NRXN2: variants seen among roughly 807,000 people sequenced by gnomAD.
NRXN2 encodes neurexin-2-beta.
Under a neutral mutation model 128.8 loss-of-function variants are expected in NRXN2, and 29 were observed. The ratio of observed to expected loss-of-function variants is 0.23; its 90% CI spans 0.17 to 0.31. The LOEUF is 0.31. NRXN2 is among the 10% of genes least tolerant of loss of function. The pLI, the probability that NRXN2 is intolerant of heterozygous loss-of-function variation, is 1.00. For missense variants in NRXN2, 1,881 were observed against 2,452.6 expected (o/e 0.77, Z 4.92); for synonymous variants, 1,098 against 1,075.2 (o/e 1.02, Z -0.41).
chr11:64,621,252 T>C (rs2042303609), intron 21 of NRXN2, among the ~76,000 whole-genome samples: 1 of 152,180 alleles, frequency 6.6e-6, no homozygotes, highest in South Asian at 2.1e-4. Context: ...AGCCTCCATC[T>C]TGGGCTTCCC....
chr11:64,677,771 T>C (rs1211593073), intron 6 of NRXN2, among the ~76,000 whole-genome samples: 1 of 152,188 alleles, frequency 6.6e-6, no homozygotes, highest in Non-Finnish European at 1.5e-5. Context: ...CTTATGGGTT[T>C]GTTGGCTAAC....
intron 9 of NRXN2, among the ~76,000 whole-genome samples, chr11:64,664,669 C>G (rs2049534584): frequency 6.6e-6 from 1 of 152,046 alleles, no homozygotes; most frequent in Admixed American, 6.6e-5. Flanking sequence ...ATAGCTGCCC[C>G]AAGTCTGTGT....
intron 2 of NRXN2, among the ~76,000 whole-genome samples, chr11:64,712,547 C>G (rs2057030484): frequency 6.6e-6 from 1 of 152,018 alleles, no homozygotes; most frequent in African/African-American, 2.4e-5. Context: ...GCCCCACCCA[C>G]TGTCCTTCAG....
chr11:64,668,644 C>T, intron 7 of NRXN2, 40 bp from the exon 8 acceptor site: 1 of 1,610,104 alleles, frequency 6.2e-7, no homozygotes, highest in South Asian at 1.1e-5. Flanking sequence ...CAGGAGACAA[C>T]CAACATCAAA....
Position 64,607,028 on chromosome 11 carries a change from G to C in NRXN2, c.*168C>G. 1 of 709,566 alleles carries C rather than the reference G, an allele frequency of 1.4e-6. No individual in the cohort carries two copies. Among genetic ancestry groups the C allele is most frequent in the Admixed American group, 2.9e-5 (1 of 34,120 alleles). The allele number at this position is 709,566 out of a possible 1,614,324, so 44.0% of individuals were successfully genotyped here. On this transcript the variant is annotated 3_prime_UTR_variant, in exon 23 of 23. Transcript: ENST00000265459. ...CCGCGCAGTGGACGGCAGGAGGAAG[G>C]GGGCGAGCACGGGGTTTTTCCTTTT... is the stretch of plus-strand genomic sequence containing the variant.
chr11:64,694,872 G>C (rs543402032), intron 3 of NRXN2, among the ~76,000 whole-genome samples: 2 of 151,930 alleles, frequency 1.3e-5, no homozygotes, highest in Non-Finnish European at 2.9e-5. Flanking sequence ...CCAGGAGCCA[G>C]GTGCCCTGTG....
rs938797122 is a variant in NRXN2 at position 64,630,253 on chromosome 11, C to T, written c.3757+149G>A. ...CCACGCCCCTGCCCTAGTCCCGCCT[C>T]GCAAGCTTCGTCTCTCCAGTAGCCC... On this transcript the variant is annotated intron_variant, in intron 19 of 22. Coordinates refer to ENST00000265459, the MANE Select transcript of NRXN2 (RefSeq NM_015080.4). The surrounding 1 kb of genome is among the most constrained non-coding windows in gnomAD (Gnocchi z 4.6). 6 of 742,592 alleles carry T rather than the reference C, an allele frequency of 8.1e-6. No individual in the cohort carries two copies. Among genetic ancestry groups the T allele is most frequent in the Non-Finnish European group, 1.3e-5 (6 of 477,696 alleles). The allele number at this position is 742,592 out of a possible 1,614,324, so 46.0% of individuals were successfully genotyped here. A position where few individuals can be genotyped will look rare whatever the true frequency, so the allele number is the denominator to read the frequency against.
rs747266539 is a variant in NRXN2 at position 64,693,631 on chromosome 11, C to T, written c.749-755G>A. Among the ~76,000 whole-genome samples, 10 of 152,184 alleles carry T rather than the reference C, an allele frequency of 6.6e-5. No individual in the cohort carries two copies. In the South Asian group the frequency reaches 1.7e-3, roughly 25 times the overall value. On this transcript the variant is annotated intron_variant, in intron 3 of 22. Coordinates refer to ENST00000265459, the MANE Select transcript of NRXN2 (RefSeq NM_015080.4). ...GTTCTAATCCTCCCAGCTACCCTTCCCAATAACCTCTGTAGGGGTAGTAGG... is the reference window on the plus strand; with the variant it reads ...GTTCTAATCCTCCCAGCTACCCTTCTCAATAACCTCTGTAGGGGTAGTAGG...
intron 4 of NRXN2, among the ~76,000 whole-genome samples, chr11:64,691,997 A>G (rs1028741400): frequency 2.6e-5 from 4 of 152,230 alleles, no homozygotes; most frequent in Non-Finnish European, 4.4e-5. Flanking sequence ...AATCAGTGAC[A>G]GCAGAGGGCT....
chr11:64,633,379 C>A (rs961389155), intron 18 of NRXN2, among the ~76,000 whole-genome samples: 30 of 152,194 alleles, frequency 2.0e-4, no homozygotes, highest in Admixed American at 2.0e-3. Context: ...TCTCCTTCAA[C>A]CTCCAAACAT....
chr11:64,642,701 G>A (rs1359576820), intron 17 of NRXN2: 9 of 1,505,948 alleles, frequency 6.0e-6, no homozygotes, highest in Non-Finnish European at 8.0e-6. Flanking sequence ...GGCAACAGCG[G>A]CAGCAGAGGT....
intron 22 of NRXN2, among the ~76,000 whole-genome samples, chr11:64,613,657 G>C (rs2041019074): frequency 1.3e-5 from 2 of 152,224 alleles, no homozygotes; most frequent in Admixed American, 1.3e-4. Flanking sequence ...TGCTGATCAG[G>C]CATACCCAGG....
Position 64,651,418 on chromosome 11 carries a change from G to A in NRXN2, c.2755C>T (p.Pro919Ser). 3 of 1,614,198 alleles carry A rather than the reference G, an allele frequency of 1.9e-6. No individual in the cohort carries two copies. The highest frequency in any genetic ancestry group is 8.5e-7 in the Non-Finnish European group (1 of 1,180,012). The change falls in exon 14 of 23, where the codon CCC becomes TCC. Residue 919 changes from proline (P) to serine (S), a missense_variant. Physicochemically the swap from Pro to Ser is moderately conservative, Grantham distance 74. Coordinates refer to ENST00000265459, the MANE Select transcript of NRXN2 (RefSeq NM_015080.4). The surrounding 1 kb of genome is among the most constrained non-coding windows in gnomAD (Gnocchi z 5.9). ...RFGLRAIVAD[P>S]VTFKSRSSYL... Reference sequence around the variant, plus strand: ...CTGCTGCGACTCTTGAAGGTGACGGGATCGGCCACGATGGCACGCAGGCCA... The same window carrying A: ...CTGCTGCGACTCTTGAAGGTGACGGAATCGGCCACGATGGCACGCAGGCCA...
rs1224125207 is a variant in NRXN2 at position 64,712,984 on chromosome 11, T to C, written c.716A>G (p.Lys239Arg). 1 of 1,498,534 alleles carries C rather than the reference T, an allele frequency of 6.7e-7. No homozygotes were observed. Among genetic ancestry groups the C allele is most frequent in the Non-Finnish European group, 8.9e-7 (1 of 1,128,878 alleles). 92.8% of individuals were successfully genotyped at this position (1,498,534 alleles called of 1,614,324 possible). Residue 239 changes from lysine (K) to arginine (R), a missense_variant, in exon 2 of 23, where the codon AAG (lysine) becomes AGG (arginine). Transcript: ENST00000265459. The stretch of plus-strand genomic sequence containing the variant: ...CCGGGGCTCACCTTCGCTGCAGAAC[T>C]TGCCGCCGAAGCCCGTGTGGCTGCA... ...CDCSHTGFGG[K>R]FCSEEEHPME... is the part of the protein sequence containing the mutation.
rs1044625051 is a variant in NRXN2, at chr11:64,667,182, G to A, written c.1798+68C>T. ...TAGAAGAGACCCGCTGAAGAGAGAC[G>A]GAGAGGATGTCAGGGCAGATGGAAA... On this transcript the variant is annotated intron_variant, in intron 9 of 22. Transcript: ENST00000265459. This position sits in a 1 kb window ranked among gnomAD's most constrained non-coding sequence, Gnocchi z 5.6. 20 of 1,505,572 alleles carry A rather than the reference G, an allele frequency of 1.3e-5. No homozygotes were observed. Among genetic ancestry groups the A allele is most frequent in the Middle Eastern group, 1.7e-4 (1 of 5,726 alleles). The allele number at this position is 1,505,572 out of a possible 1,614,324, so 93.3% of individuals were successfully genotyped here. A position where few individuals can be genotyped will look rare whatever the true frequency, so the allele number is the denominator to read the frequency against.
intron 7 of NRXN2, among the ~76,000 whole-genome samples, chr11:64,670,477 A>T (rs2050489485): frequency 6.6e-6 from 1 of 152,082 alleles, no homozygotes. Context: ...GGGAGTGGGT[A>T]ATAGGCTGAA....
At chr11:64,646,043 C>T (rs898537556) in intron 17 of NRXN2, among the ~76,000 whole-genome samples, 6 of 152,142 alleles carry the variant, frequency 3.9e-5, no homozygotes, top group African/African-American at 1.4e-4. Context: ...GGAGGAGTAG[C>T]CCTGGGAGAA....
rs928426680 is a variant in NRXN2, at chr11:64,635,518, A to C, written c.3404-66T>G. The C allele has an allele frequency of 3.8e-5, 59 of 1,552,052 alleles. No individual in the cohort carries two copies. The highest frequency in any genetic ancestry group is 4.9e-5 in the Non-Finnish European group (56 of 1,134,412). ...AGGAGGACGAGGTCAGCAGGTCCTCAGGGTTGTGACCAGAGGGATGGAACC... is the reference window on the plus strand; with the variant it reads ...AGGAGGACGAGGTCAGCAGGTCCTCCGGGTTGTGACCAGAGGGATGGAACC... On this transcript the variant is annotated intron_variant, in intron 17 of 22. Coordinates refer to ENST00000265459, the MANE Select transcript of NRXN2 (RefSeq NM_015080.4). The surrounding 1 kb of genome is among the most constrained non-coding windows in gnomAD (Gnocchi z 4.8).
At chr11:64,650,745 G>C in intron 14 of NRXN2, 107 bp from the exon 15 acceptor site, 1 of 1,055,462 alleles carries the variant, frequency 9.5e-7, no homozygotes, top group Non-Finnish European at 1.4e-6. Flanking sequence ...CATGGGAAGA[G>C]GGATTGAAAG....
Sources: gnomAD v4.1 joint callset for allele counts (sites outside exome capture counted in the v4.1 genomes callset) on GRCh38, gnomAD v4.1.1 for gene constraint, Gnocchi (gnomAD v3.1) non-coding constraint, MANE v1.5 for transcripts, NCBI Gene and HGNC (gene_info 2026-07-23, HGNC 2026-07-21) for gene names.